STAG1: variants seen among roughly 807,000 people sequenced by gnomAD.
STAG1 encodes the protein cohesin subunit SA-1.
In STAG1, 26 loss-of-function variants were observed where a neutral mutation model predicts 170.9. That is an observed-to-expected ratio of 0.15 (90% CI 0.11 to 0.21). The LOEUF (loss-of-function observed/expected upper bound fraction) is 0.21, where lower values mean the gene tolerates loss of function less well. STAG1 is among the 10% of genes least tolerant of loss of function. The pLI is 1.00. For missense variants in STAG1, 964 were observed against 1,509.5 expected, an observed-to-expected ratio of 0.64 and a Z score of 5.99; for synonymous variants, 514 against 497.7, an observed-to-expected ratio of 1.03 and a Z score of -0.44.
intron 1 of STAG1, chr3:136,737,010 T>C: frequency 6.3e-7 from 1 of 1,579,062 alleles, no homozygotes; most frequent in Non-Finnish European, 8.7e-7. Flanking sequence ...CCAAGATGGA[T>C]AACTGCCGCT....
chr3:136,454,983 TAAAAG>T (rs1281241029), intron 13 of STAG1, among the ~76,000 whole-genome samples: 1 of 152,136 alleles, frequency 6.6e-6, no homozygotes, highest in African/African-American at 2.4e-5. Context: ...GGAAGAATGA[TAAAAG>T]AGATCATTAA....
chr3:136,433,785 G>T, intron 15 of STAG1, 126 bp from the exon 16 acceptor site: 1 of 663,998 alleles, frequency 1.5e-6, no homozygotes, highest in African/African-American at 1.9e-5. Context: ...CTAAAGTTAA[G>T]CTCTGTACTT....
At chr3:136,531,793 G>A (rs1423941114) in intron 6 of STAG1, among the ~76,000 whole-genome samples, 2 of 151,192 alleles carry the variant, frequency 1.3e-5, no homozygotes, top group Non-Finnish European at 2.9e-5. Context: ...ATAGCATCGG[G>A]AGATATACCT....
intron 1 of STAG1, among the ~76,000 whole-genome samples, chr3:136,661,362 A>C (rs918768254): frequency 6.6e-6 from 1 of 152,194 alleles, no homozygotes; most frequent in Non-Finnish European, 1.5e-5. Flanking sequence ...AAAGTGCTTC[A>C]AAATCCAAAA....
At chr3:136,628,067 G>A (rs563029700) in intron 2 of STAG1, among the ~76,000 whole-genome samples, 28 of 152,220 alleles carry the variant, frequency 1.8e-4, no homozygotes, top group Non-Finnish European at 3.7e-4. Flanking sequence ...CCCACCTGTC[G>A]AGGGAGGGAC....
intron 6 of STAG1, among the ~76,000 whole-genome samples, chr3:136,525,221 G>T (rs1046752526): frequency 6.6e-6 from 1 of 152,124 alleles, no homozygotes; most frequent in Non-Finnish European, 1.5e-5. Flanking sequence ...AATCCATCTC[G>T]TCCTGGACTT....
chr3:136,417,926 A>G lies in STAG1; in HGVS notation c.2155T>C (p.Leu719=), dbSNP rs1177019588. The change falls in exon 21 of 34, where the codon TTA becomes CTA. Residue 719 remains leucine (L), a synonymous_variant. Coordinates refer to ENST00000383202, the MANE Select transcript of STAG1 (RefSeq NM_005862.3). The part of the protein sequence containing the change: ...KWDLFGNCYR[L]LKTGIEHGAM... ...CCATGTTCAATTCCAGTCTTCAATA[A>G]TCTGTAGCAATTACCAAAGAGATCC... is the stretch of plus-strand genomic sequence containing the variant. 1.2e-6 allele frequency: 2 copies of G among 1,613,944 alleles called. No individual in the cohort carries two copies. Among genetic ancestry groups the G allele is most frequent in the Non-Finnish European group, 1.7e-6 (2 of 1,179,948 alleles).
chr3:136,641,516 G>C (rs1265168360), intron 1 of STAG1, among the ~76,000 whole-genome samples: 1 of 152,174 alleles, frequency 6.6e-6, no homozygotes, highest in Non-Finnish European at 1.5e-5. Context: ...TATTTCTTTA[G>C]CATTCTTGCC....
intron 2 of STAG1, among the ~76,000 whole-genome samples, chr3:136,625,568 T>C (rs746602327): frequency 1.3e-5 from 2 of 152,226 alleles, no homozygotes; most frequent in Non-Finnish European, 2.9e-5. Context: ...CTTTAAGTTA[T>C]TATACAAATT....
chr3:136,611,415 C>G (rs1284711579), intron 3 of STAG1, among the ~76,000 whole-genome samples: 1 of 152,076 alleles, frequency 6.6e-6, no homozygotes, highest in African/African-American at 2.4e-5. Context: ...TCCCAAAGTG[C>G]TGGGATTACA....
intron 1 of STAG1, among the ~76,000 whole-genome samples, chr3:136,635,810 C>T (rs1368743937): frequency 6.6e-6 from 1 of 152,172 alleles, no homozygotes; most frequent in African/African-American, 2.4e-5. Flanking sequence ...AAAAGTCAAT[C>T]ACTTTGCTGT....
chr3:136,663,864 C>T (rs1205816641), intron 1 of STAG1, among the ~76,000 whole-genome samples: 1 of 151,854 alleles, frequency 6.6e-6, no homozygotes, highest in Admixed American at 6.6e-5. Flanking sequence ...ATAAAACAAC[C>T]GAGATCCAAC....
At chr3:136,652,292 A>G (rs940985128) in intron 1 of STAG1, among the ~76,000 whole-genome samples, 4 of 152,232 alleles carry the variant, frequency 2.6e-5, no homozygotes, top group African/African-American at 9.6e-5. Flanking sequence ...AAAATTCTCA[A>G]TATAACTAGG....
At chr3:136,351,079 ATT>A (rs1300783188) in intron 28 of STAG1, among the ~76,000 whole-genome samples, 2 of 152,078 alleles carry the variant, frequency 1.3e-5, no homozygotes, top group Non-Finnish European at 2.9e-5. Context: ...AAAAGGAAGG[ATT>A]TGTTTCCCTT....
chr3:136,455,427 C>G (rs1446133620), intron 13 of STAG1, among the ~76,000 whole-genome samples: 1 of 152,180 alleles, frequency 6.6e-6, no homozygotes, highest in Admixed American at 6.5e-5. Context: ...ACCCATGATT[C>G]TGGTAAGAGG....
chr3:136,494,158 G>C (rs941111389), intron 9 of STAG1, among the ~76,000 whole-genome samples: 12 of 151,972 alleles, frequency 7.9e-5, no homozygotes, highest in Non-Finnish European at 1.8e-4. Flanking sequence ...TGCAGTCCTA[G>C]CTACTTGGGA....
intron 3 of STAG1, among the ~76,000 whole-genome samples, chr3:136,622,436 G>T (rs984893621): frequency 6.6e-6 from 1 of 152,016 alleles, no homozygotes; most frequent in African/African-American, 2.4e-5. Flanking sequence ...AAGGAGGAGG[G>T]GTGATGAGAT....
Position 136,477,322 on chromosome 3 carries a change from G to A in STAG1, c.993C>T (p.Tyr331=). Reference sequence around the variant, plus strand: ...GAAGAGTCCAGCCAACATATTTTAGGTAACTGTCATTTAGGAAGGCATCAC... The same window carrying A: ...GAAGAGTCCAGCCAACATATTTTAGATAACTGTCATTTAGGAAGGCATCAC... ...MYSDAFLNDS[Y]LKYVGWTLHD... Residue 331 remains tyrosine (Y), a synonymous_variant, in exon 10 of 34, where the codon TAC becomes TAT. Transcript: ENST00000383202. The A allele has an allele frequency of 6.2e-7, 1 of 1,612,894 alleles. No individual in the cohort carries two copies. Among genetic ancestry groups the A allele is most frequent in the Non-Finnish European group, 8.5e-7 (1 of 1,179,570 alleles).
At chr3:136,625,005 CAG>C (rs535203366) in intron 2 of STAG1, among the ~76,000 whole-genome samples, 108 of 152,136 alleles carry the variant, frequency 7.1e-4, no homozygotes, top group African/African-American at 2.6e-3. Context: ...CTTTTTAAAA[CAG>C]ATATGTTGTG....
Sources: allele counts gnomAD v4.1 joint callset (sites outside exome capture counted in the v4.1 genomes callset), GRCh38; gene constraint gnomAD v4.1.1; transcripts MANE v1.5; gene names NCBI Gene and HGNC (gene_info 2026-07-23, HGNC 2026-07-21).